Variants in AUTS2 observed in about 807,000 individuals in gnomAD.
The protein encoded by AUTS2 is autism susceptibility gene 2 protein.
AUTS2 carries 17 observed loss-of-function variants against 112.4 expected under a neutral mutation model. The observed-to-expected ratio is 0.15, with a 90% CI of 0.10 to 0.23. The LOEUF (loss-of-function observed/expected upper bound fraction) is 0.23, where lower values mean the gene tolerates loss of function less well. AUTS2 is among the 10% of genes least tolerant of loss of function. The probability of loss-of-function intolerance (pLI) is 1.00; values close to 1 mark genes in which losing one functional copy is unlikely to be tolerated. For synonymous variants in AUTS2, 751 were observed against 702.7 expected (o/e 1.07, Z -1.09); for missense variants, 1,510 against 1,701.6 (o/e 0.89, Z 1.98).
chr7:70,368,264 A>C (rs1035153999), intron 4 of AUTS2, among the ~76,000 whole-genome samples: 3 of 152,176 alleles, frequency 2.0e-5, no homozygotes, highest in Admixed American at 6.5e-5. Context: ...CTCAGAAGGC[A>C]CTCAGTAAGT....
intron 4 of AUTS2, among the ~76,000 whole-genome samples, chr7:70,411,901 C>CTT (rs57907621): frequency 1.9e-4 from 27 of 143,256 alleles, no homozygotes; most frequent in African/African-American, 4.9e-4. Flanking sequence ...AAACTCTTTC[C>CTT]TTTTTTTTTT....
At chr7:70,086,813 T>G (rs1046435319) in intron 2 of AUTS2, among the ~76,000 whole-genome samples, 1 of 152,156 alleles carries the variant, frequency 6.6e-6, no homozygotes, top group African/African-American at 2.4e-5. Context: ...TTTTGTATAT[T>G]TATCATATAT....
intron 15 of AUTS2, chr7:70,784,362 C>T (rs961714436): frequency 2.6e-5 from 4 of 152,596 alleles, no homozygotes; most frequent in African/African-American, 9.7e-5. Flanking sequence ...GACCACCCCT[C>T]CTGAGCCAGA....
chr7:70,156,872 A>G (rs2129576877), intron 4 of AUTS2, among the ~76,000 whole-genome samples: 1 of 128,230 alleles, frequency 7.8e-6, no homozygotes, highest in African/African-American at 2.9e-5. Context: ...ACATAGTGAA[A>G]CCCCATCTCT....
intron 1 of AUTS2, among the ~76,000 whole-genome samples, chr7:69,722,037 GC>G (rs5884764): frequency 0.61 from 93,012 of 151,454 alleles, 28,848 homozygotes; most frequent in East Asian, 0.7. Flanking sequence ...AAAAGAGAGT[GC>G]TTAAGGATGG....
At chr7:70,272,849 G>T (rs1787757980) in intron 4 of AUTS2, among the ~76,000 whole-genome samples, 1 of 152,100 alleles carries the variant, frequency 6.6e-6, no homozygotes, top group South Asian at 2.1e-4. Context: ...TAAGAGCCAG[G>T]CAAGGTGGTG....
At chr7:70,119,623 A>G (rs1805580123) in intron 3 of AUTS2, 1 of 152,092 alleles carries the variant, frequency 6.6e-6, no homozygotes, top group Non-Finnish European at 1.5e-5. Flanking sequence ...CAACCTCCCA[A>G]AGTGCTGGGA....
intron 2 of AUTS2, among the ~76,000 whole-genome samples, chr7:69,959,262 G>A (rs918996643): frequency 2.0e-5 from 3 of 152,106 alleles, no homozygotes; most frequent in African/African-American, 7.2e-5. Flanking sequence ...ACAATAAAGT[G>A]CTAATATTTA....
At chr7:69,694,005 A>G (rs1005247690) in intron 1 of AUTS2, among the ~76,000 whole-genome samples, 1 of 152,210 alleles carries the variant, frequency 6.6e-6, no homozygotes, top group Non-Finnish European at 1.5e-5. Flanking sequence ...GACTACAGGT[A>G]GATTTGCTGA....
At chr7:70,589,280 C>T (rs893428344) in intron 5 of AUTS2, among the ~76,000 whole-genome samples, 1 of 152,188 alleles carries the variant, frequency 6.6e-6, no homozygotes, top group African/African-American at 2.4e-5. Context: ...ATGTGGGGAA[C>T]AAACGAGAGC....
At chr7:70,016,154 G>A (rs577540183) in intron 2 of AUTS2, among the ~76,000 whole-genome samples, 3 of 152,106 alleles carry the variant, frequency 2.0e-5, no homozygotes, top group East Asian at 3.9e-4. Flanking sequence ...ATGAAAGAAG[G>A]GAGAAAGAAG....
chr7:70,464,811 A>G (rs1193868538), intron 5 of AUTS2, among the ~76,000 whole-genome samples: 2 of 152,198 alleles, frequency 1.3e-5, no homozygotes, highest in Non-Finnish European at 2.9e-5. Context: ...AGGGTCTTGG[A>G]TACCAGGATG....
At chr7:70,397,569 G>A (rs1287187223) in intron 4 of AUTS2, among the ~76,000 whole-genome samples, 1 of 151,124 alleles carries the variant, frequency 6.6e-6, no homozygotes, top group Middle Eastern at 3.4e-3. Flanking sequence ...GATTATATAT[G>A]AAAAAATATT....
At chr7:70,243,357 T>C (rs528712215) in intron 4 of AUTS2, among the ~76,000 whole-genome samples, 1 of 151,992 alleles carries the variant, frequency 6.6e-6, no homozygotes, top group African/African-American at 2.4e-5. Context: ...TTTTATGATG[T>C]TCTGTGTTCC....
rs888426725 is a variant in AUTS2, at chr7:70,715,245, A to G, written c.742+16625A>G. ...AACAGTTCTCTGCATTTTTCTTACAATAAATCTAACCTATGCTTTCAGTGC... is the reference window on the plus strand; with the variant it reads ...AACAGTTCTCTGCATTTTTCTTACAGTAAATCTAACCTATGCTTTCAGTGC... On this transcript the variant is annotated intron_variant, in intron 6 of 18. Transcript: ENST00000342771. 6.5e-4 allele frequency among the ~76,000 whole-genome samples: 99 copies of G among 152,196 alleles called. 1 individual carries two copies. Among genetic ancestry groups the G allele is most frequent in the African/African-American group, 2.3e-3 (96 of 41,452 alleles).
At chr7:69,886,830 C>A (rs115948098) in intron 1 of AUTS2, among the ~76,000 whole-genome samples, 14 of 146,102 alleles carry the variant, frequency 9.6e-5, no homozygotes, top group African/African-American at 3.5e-4. Context: ...ATTCTGTCAC[C>A]GAGGCTAGAA....
chr7:70,742,802 G>A (rs1183239680), intron 6 of AUTS2, among the ~76,000 whole-genome samples: 1 of 152,072 alleles, frequency 6.6e-6, no homozygotes, highest in Non-Finnish European at 1.5e-5. Flanking sequence ...ACATGTGTGT[G>A]ATTTGATGAT....
At chr7:70,640,439 A>C (rs113710226) in intron 5 of AUTS2, among the ~76,000 whole-genome samples, 16 of 151,426 alleles carry the variant, frequency 1.1e-4, no homozygotes, top group African/African-American at 3.1e-4. Flanking sequence ...AAAAAAAAAA[A>C]AAACCATAAA....
chr7:70,226,718 A>C lies in AUTS2; in HGVS notation c.660+92147A>C, dbSNP rs369248911. On this transcript the variant is annotated intron_variant, in intron 4 of 18. Transcript: ENST00000342771. ...TAAATATCTACTACATGCTGGGTAC[A>C]TGTATTCTAAGCATGTTATATGCAG... Among the ~76,000 whole-genome samples the C allele has an allele frequency of 1.4e-4, 22 of 152,110 alleles. 1 individual carries two copies. Among genetic ancestry groups the C allele is most frequent in the East Asian group, 9.6e-4 (5 of 5,192 alleles).
Sources: gnomAD v4.1 joint callset for allele counts (sites outside exome capture counted in the v4.1 genomes callset) on GRCh38, gnomAD v4.1.1 for gene constraint, MANE v1.5 for transcripts, NCBI Gene and HGNC (gene_info 2026-07-23, HGNC 2026-07-21) for gene names.